MMRN1: variants seen among roughly 807,000 people sequenced by gnomAD.
MMRN1 encodes the protein multimerin-1.
A neutral mutation model predicts 100.7 loss-of-function variants in MMRN1; 94 were observed. The ratio of observed to expected loss-of-function variants is 0.93; its 90% confidence interval spans 0.79 to 1.11. The LOEUF (loss-of-function observed/expected upper bound fraction) is 1.11, where lower values mean the gene tolerates loss of function less well. Among genes scored for constraint, MMRN1 ranks in the 50% least tolerant of loss-of-function variants. MMRN1 has a pLI of 0.00. For synonymous variants in MMRN1, 575 were observed against 505.0 expected (o/e 1.14, Z -1.86); for missense variants, 1,606 against 1,439.1 (o/e 1.12, Z -1.88).
chr4:89,914,869 A>T (rs1393521353), intron 3 of MMRN1, among the ~76,000 whole-genome samples: 1 of 151,596 alleles, frequency 6.6e-6, no homozygotes, highest in East Asian at 1.9e-4. Flanking sequence ...CAATGATTTA[A>T]ATACAAATAG....
At chr4:89,906,770 C>A (rs1350092721) in intron 1 of MMRN1, among the ~76,000 whole-genome samples, 1 of 151,446 alleles carries the variant, frequency 6.6e-6, no homozygotes, top group Non-Finnish European at 1.5e-5. Context: ...ACCAGGGGCT[C>A]TTTTGCTGTG....
intron 1 of MMRN1, among the ~76,000 whole-genome samples, chr4:89,905,920 T>C (rs1356472942): frequency 1.3e-5 from 2 of 151,588 alleles, no homozygotes; most frequent in Non-Finnish European, 1.5e-5. Flanking sequence ...ATTTAGCTTC[T>C]TTTGAATTAG....
At chr4:89,900,891 A>G (rs908172191) in intron 1 of MMRN1, among the ~76,000 whole-genome samples, 1 of 152,104 alleles carries the variant, frequency 6.6e-6, no homozygotes, top group African/African-American at 2.4e-5. Flanking sequence ...GTGGATGCCA[A>G]CAATACAGTC....
chr4:89,952,819 T>C (rs773371667), intron 7 of MMRN1, among the ~76,000 whole-genome samples, 178 bp from the exon 8 acceptor site: 1 of 152,116 alleles, frequency 6.6e-6, no homozygotes, highest in South Asian at 2.1e-4. Flanking sequence ...CAATTTAGAG[T>C]AATTTACCCC....
chr4:89,910,143 G>C (rs1036320993), intron 2 of MMRN1, among the ~76,000 whole-genome samples: 1 of 151,270 alleles, frequency 6.6e-6, no homozygotes, highest in African/African-American at 2.4e-5. Context: ...GCACAATAAG[G>C]ATACATAAAA....
At chr4:89,908,800 T>G (rs1406575962) in intron 1 of MMRN1, among the ~76,000 whole-genome samples, 2 of 151,486 alleles carry the variant, frequency 1.3e-5, no homozygotes, top group African/African-American at 4.8e-5. Flanking sequence ...CTAGACCATT[T>G]TGCATTTTGT....
chr4:89,934,016 T>C (rs1186129496), intron 5 of MMRN1, among the ~76,000 whole-genome samples: 1 of 152,116 alleles, frequency 6.6e-6, no homozygotes, highest in African/African-American at 2.4e-5. Context: ...AGTACACTTT[T>C]CCTGTTCCTT....
In MMRN1 at chr4:89,919,628, T is replaced by C. The variant is rs182550931; in HGVS notation, c.851-3540T>C. Among the ~76,000 whole-genome samples the C allele has an allele frequency of 2.0e-4, 31 of 152,024 alleles. No individual in the cohort carries two copies. The South Asian group carries it at 6.0e-3, about 29-fold the overall frequency. On this transcript the variant is annotated intron_variant, in intron 3 of 7. Coordinates refer to ENST00000264790, the MANE Select transcript of MMRN1 (RefSeq NM_007351.3). ...TAGATGTTGTACATATTAAAAGATGTTCCAGACTAACTGAGTTTGCAGAGT... is the reference window on the plus strand; with the variant it reads ...TAGATGTTGTACATATTAAAAGATGCTCCAGACTAACTGAGTTTGCAGAGT...
At chr4:89,906,264 T>C (rs377033782) in intron 1 of MMRN1, among the ~76,000 whole-genome samples, 8 of 151,594 alleles carry the variant, frequency 5.3e-5, no homozygotes, top group African/African-American at 1.9e-4. Flanking sequence ...GTTTTATGAA[T>C]CATAATAGAA....
rs1166465320 is a variant in MMRN1 at position 89,897,294 on chromosome 4, C to T, written c.623+1700C>T. 4.6e-5 allele frequency among the ~76,000 whole-genome samples: 7 copies of T among 151,414 alleles called. 1 individual carries two copies. The highest frequency in any genetic ancestry group is 2.0e-4 in the Admixed American group (3 of 15,182). On this transcript the variant is annotated intron_variant, in intron 1 of 7. Coordinates refer to ENST00000264790, the MANE Select transcript of MMRN1 (RefSeq NM_007351.3). ...CACAATCTCGGCTCACTGCAATCTTCGACTCCCAGGTTCAAGCGATTCTCT... is the reference window on the plus strand; with the variant it reads ...CACAATCTCGGCTCACTGCAATCTTTGACTCCCAGGTTCAAGCGATTCTCT...
In MMRN1 at chr4:89,894,971, G is replaced by T; in HGVS notation, c.-1G>T. On this transcript the variant is annotated 5_prime_UTR_variant, in exon 1 of 8. Transcript: ENST00000264790. ...GAGCTACCTTGCTTCAAACTACTGA[G>T]ATGAAGGGGGCAAGATTATTTGTCC... The T allele has an allele frequency of 6.2e-7, 1 of 1,606,354 alleles. No homozygotes were observed. The highest frequency in any genetic ancestry group is 8.5e-7 in the Non-Finnish European group (1 of 1,175,652).
At chr4:89,940,146 G>A (rs1304494864) in intron 6 of MMRN1, among the ~76,000 whole-genome samples, 1 of 152,096 alleles carries the variant, frequency 6.6e-6, no homozygotes, top group Non-Finnish European at 1.5e-5. Context: ...CATCTTTGAA[G>A]ATTTGTTTGT....
chr4:89,934,863 T>C lies in MMRN1; in HGVS notation c.1183T>C (p.Phe395Leu), dbSNP rs750164799. The change falls in exon 6 of 8, where the codon TTT (phenylalanine) becomes CTT (leucine). Residue 395 changes from phenylalanine to leucine, a missense_variant. By Grantham distance (22) the Phe-to-Leu change is conservative. Coordinates refer to ENST00000264790, the MANE Select transcript of MMRN1 (RefSeq NM_007351.3). The part of the protein sequence containing the change: ...VLIRDIVREQ[F>L]KIFQNDMQET... ...GATAAGAGACATAGTAAGAGAACAA[T>C]TTAAAATTTTTCAAAATGACATGCA... The C allele has an allele frequency of 3.2e-6, 5 of 1,584,888 alleles. No individual in the cohort carries two copies. In the Admixed American group the frequency reaches 5.7e-5, roughly 18 times the overall value.
chr4:89,927,564 G>A (rs1480603107), intron 4 of MMRN1, among the ~76,000 whole-genome samples: 2 of 152,040 alleles, frequency 1.3e-5, no homozygotes, highest in African/African-American at 4.8e-5. Flanking sequence ...TGCAGAGAAG[G>A]ATAATTTGAC....
chr4:89,899,671 A>G (rs1443505221), intron 1 of MMRN1, among the ~76,000 whole-genome samples: 9 of 152,094 alleles, frequency 5.9e-5, no homozygotes, highest in African/African-American at 1.9e-4. Flanking sequence ...ACCCCTGTAC[A>G]CATGTATCTT....
rs147134600 is a variant in MMRN1, at chr4:89,923,132, C to T, written c.851-36C>T. The T allele has an allele frequency of 2.7e-4, 418 of 1,562,324 alleles. 3 individuals are homozygous for T. The East Asian group carries it at 6.4e-3, about 24-fold the overall frequency. Reference sequence around the variant, plus strand: ...TGGAAAAAATGAGGCTGTCCCAGTGCTTAACTGTCTCTCTTCTCTTTCTGC... The same window carrying T: ...TGGAAAAAATGAGGCTGTCCCAGTGTTTAACTGTCTCTCTTCTCTTTCTGC... On this transcript the variant is annotated intron_variant, in intron 3 of 7. Coordinates refer to ENST00000264790, the MANE Select transcript of MMRN1 (RefSeq NM_007351.3).
chr4:89,895,605 T>G lies in MMRN1; in HGVS notation c.623+11T>G, dbSNP rs765652516. ...AACAACTAGAGGAAAGTAAGAAATC[T>G]TCTTTTCTTTTTGTTCTTTCTCTGT... is the stretch of plus-strand genomic sequence containing the variant. On this transcript the variant is annotated intron_variant, in intron 1 of 7. Coordinates refer to ENST00000264790, the MANE Select transcript of MMRN1 (RefSeq NM_007351.3). 6.2e-7 allele frequency: 1 copy of G among 1,607,556 alleles called. No individual in the cohort carries two copies. The highest frequency in any genetic ancestry group is 1.1e-5 in the South Asian group (1 of 90,376).
chr4:89,928,104 A>G, intron 5 of MMRN1, 136 bp downstream of exon 5: 1 of 609,338 alleles, frequency 1.6e-6, no homozygotes, highest in Non-Finnish European at 2.7e-6. Flanking sequence ...TTTTTTAATG[A>G]GATATAAATT....
At chr4:89,897,189 CT>C (rs1267527465) in intron 1 of MMRN1, among the ~76,000 whole-genome samples, 1 of 151,494 alleles carries the variant, frequency 6.6e-6, no homozygotes, top group Non-Finnish European at 1.5e-5. Flanking sequence ...CGATTGTGAG[CT>C]TTTCAGAGAT....
Sources: gnomAD v4.1 joint callset for allele counts (sites outside exome capture counted in the v4.1 genomes callset) on GRCh38, gnomAD v4.1.1 for gene constraint, MANE v1.5 for transcripts, NCBI Gene and HGNC (gene_info 2026-07-23, HGNC 2026-07-21) for gene names.